Variants in PRICKLE2 observed in about 807,000 individuals in gnomAD.
The protein encoded by PRICKLE2 is prickle-like protein 2.
PRICKLE2 carries 21 observed loss-of-function variants against 81.4 expected under a neutral mutation model. The ratio of observed to expected loss-of-function variants is 0.26; its 90% CI spans 0.18 to 0.37. The LOEUF (loss-of-function observed/expected upper bound fraction) is 0.37. Ranked by LOEUF, PRICKLE2 falls within the 10% of genes least tolerant of loss-of-function variation. The pLI is 1.00. For synonymous variants in PRICKLE2, 456 were observed against 421.5 expected (o/e 1.08, Z -1.00); for missense variants, 940 against 1,109.0 (o/e 0.85, Z 2.16).
intron 1 of PRICKLE2, among the ~76,000 whole-genome samples, chr3:64,207,633 A>G (rs1188272484): frequency 6.6e-6 from 1 of 152,156 alleles, no homozygotes; most frequent in African/African-American, 2.4e-5. Flanking sequence ...AGGATCAACA[A>G]TCCACTTATG....
At chr3:64,110,179 T>C (rs551336160) in intron 7 of PRICKLE2, among the ~76,000 whole-genome samples, 1 of 152,306 alleles carries the variant, frequency 6.6e-6, no homozygotes, top group South Asian at 2.1e-4. Flanking sequence ...CAGTTGAAGA[T>C]TTTTTTGCCA....
At chr3:64,106,946 T>C (rs984108624) in intron 7 of PRICKLE2, among the ~76,000 whole-genome samples, 7 of 152,176 alleles carry the variant, frequency 4.6e-5, no homozygotes, top group African/African-American at 1.7e-4. Context: ...ATCAGGTCAT[T>C]TCCCTCTCAA....
intron 2 of PRICKLE2, among the ~76,000 whole-genome samples, chr3:64,184,771 C>G (rs545624323): frequency 6.6e-6 from 1 of 152,328 alleles, no homozygotes; most frequent in Admixed American, 6.5e-5. Flanking sequence ...GTATGAGTCA[C>G]TGTTCCAGGC....
chr3:64,220,220 G>GAGCTGGAAA (rs2078930610), intron 1 of PRICKLE2, among the ~76,000 whole-genome samples: 1 of 152,194 alleles, frequency 6.6e-6, no homozygotes, highest in Non-Finnish European at 1.5e-5. Context: ...GCCAAGAAAA[G>GAGCTGGAAA]AGCTGGAAAA....
intron 7 of PRICKLE2, among the ~76,000 whole-genome samples, chr3:64,111,982 G>A (rs1328497420): frequency 6.6e-6 from 1 of 152,158 alleles, no homozygotes; most frequent in Non-Finnish European, 1.5e-5. Context: ...TAAACATGCA[G>A]AACTCACAAT....
At chr3:64,179,595 T>C (rs2078090535) in intron 2 of PRICKLE2, among the ~76,000 whole-genome samples, 1 of 152,222 alleles carries the variant, frequency 6.6e-6, no homozygotes, top group African/African-American at 2.4e-5. Flanking sequence ...TGGCCATGTA[T>C]GCATTAGGCA....
chr3:64,199,349 C>A (rs557469784), intron 1 of PRICKLE2: 3 of 278,614 alleles, frequency 1.1e-5, no homozygotes, highest in Admixed American at 9.7e-5. Flanking sequence ...ATACATAATA[C>A]ATATGTTGAC....
chr3:64,107,306 C>A (rs757762196), intron 7 of PRICKLE2, among the ~76,000 whole-genome samples: 9 of 152,124 alleles, frequency 5.9e-5, no homozygotes, highest in Non-Finnish European at 1.3e-4. Flanking sequence ...CAGAAACTGG[C>A]CTCTGCGAGA....
chr3:64,215,919 GTT>G (rs2078864547), intron 1 of PRICKLE2, among the ~76,000 whole-genome samples: 2 of 152,162 alleles, frequency 1.3e-5, no homozygotes, highest in Admixed American at 1.3e-4. Flanking sequence ...TGTTCAAAAG[GTT>G]GTTAAACTGT....
chr3:64,119,443 C>A (rs1273047946), intron 7 of PRICKLE2, among the ~76,000 whole-genome samples: 1 of 152,124 alleles, frequency 6.6e-6, no homozygotes, highest in East Asian at 1.9e-4. Flanking sequence ...GCTACCAACA[C>A]ACATAGGAAA....
chr3:64,238,815 G>T (rs1310198003), intron 2 of PRICKLE2, among the ~76,000 whole-genome samples: 1 of 152,174 alleles, frequency 6.6e-6, no homozygotes, highest in Non-Finnish European at 1.5e-5. Flanking sequence ...CATACAGCAG[G>T]TGCTTACTAA....
intron 7 of PRICKLE2, among the ~76,000 whole-genome samples, chr3:64,143,089 C>T (rs2077389154): frequency 6.6e-6 from 1 of 152,176 alleles, no homozygotes. Context: ...CCCATCTTAT[C>T]AGTTCACTCT....
At chr3:64,121,876 T>C (rs2077034218) in intron 7 of PRICKLE2, among the ~76,000 whole-genome samples, 1 of 152,156 alleles carries the variant, frequency 6.6e-6, no homozygotes. Context: ...CACACTGCCA[T>C]AAATACCAGT....
intron 2 of PRICKLE2, among the ~76,000 whole-genome samples, chr3:64,258,615 T>A (rs145658672): frequency 0.011 from 1,637 of 151,022 alleles, 29 homozygotes; most frequent in African/African-American, 0.037. Flanking sequence ...GGTCAGGAGA[T>A]CGAGACCATA....
rs950923920 is a variant in PRICKLE2, at chr3:64,164,143, C to T, written c.145-1014G>A. On this transcript the variant is annotated intron_variant, in intron 2 of 7. Transcript: ENST00000638394. ...ATCCCAGCACCTTGGGGGGCTGAGG[C>T]GGGCGGGAGAACCACCTGAGGGCGG... Among the ~76,000 whole-genome samples, 32 of 152,086 alleles carry T rather than the reference C, an allele frequency of 2.1e-4. No homozygotes were observed. The South Asian group carries it at 3.5e-3, about 17-fold the overall frequency.
intron 2 of PRICKLE2, among the ~76,000 whole-genome samples, chr3:64,188,550 C>T (rs1034404834): frequency 3.3e-5 from 5 of 152,172 alleles, no homozygotes; most frequent in Admixed American, 2.0e-4. Flanking sequence ...ATGGGAACCT[C>T]GTTTTGAAAA....
chr3:64,253,684 T>G (rs962373711), intron 2 of PRICKLE2, among the ~76,000 whole-genome samples: 2 of 152,138 alleles, frequency 1.3e-5, no homozygotes, highest in African/African-American at 4.8e-5. Flanking sequence ...CTGCAATCTC[T>G]CATCCAGGCA....
chr3:64,246,932 G>A (rs992777877), intron 2 of PRICKLE2, among the ~76,000 whole-genome samples: 1 of 152,194 alleles, frequency 6.6e-6, no homozygotes, highest in African/African-American at 2.4e-5. Context: ...GCACGATGTA[G>A]CCACATTCAT....
chr3:64,135,921 C>A (rs181564645), intron 7 of PRICKLE2, among the ~76,000 whole-genome samples: 2 of 152,104 alleles, frequency 1.3e-5, no homozygotes, highest in Admixed American at 1.3e-4. Context: ...GATTCTAGAG[C>A]GGAAACAGGT....
Sources: allele counts gnomAD v4.1 joint callset (sites outside exome capture counted in the v4.1 genomes callset), GRCh38; gene constraint gnomAD v4.1.1; transcripts MANE v1.5; gene names NCBI Gene and HGNC (gene_info 2026-07-23, HGNC 2026-07-21).